The following SYT1 variants were observed in gnomAD, a reference collection of about 807,000 sequenced individuals.
The protein encoded by SYT1 is synaptotagmin-1.
SYT1 carries 8 observed loss-of-function variants against 44.8 expected under a neutral mutation model. The ratio of observed to expected loss-of-function variants is 0.18; its 90% CI spans 0.10 to 0.32. The LOEUF is 0.32. Among genes scored for constraint, SYT1 ranks in the 10% least tolerant of loss-of-function variants. The pLI, the probability that SYT1 is intolerant of heterozygous loss-of-function variation, is 1.00. For synonymous variants in SYT1, 154 were observed against 188.8 expected, an observed-to-expected ratio of 0.82 and a Z score of 1.51; for missense variants, 286 against 509.3, an observed-to-expected ratio of 0.56 and a Z score of 4.22.
At chr12:79,387,860 T>C (rs1241302268) in intron 9 of SYT1, among the ~76,000 whole-genome samples, 1 of 152,240 alleles carries the variant, frequency 6.6e-6, no homozygotes, top group Non-Finnish European at 1.5e-5. Flanking sequence ...TTTGAAAACT[T>C]CTATAATATC....
At chr12:78,929,025 A>T (rs2137192159) in intron 1 of SYT1, among the ~76,000 whole-genome samples, 1 of 151,942 alleles carries the variant, frequency 6.6e-6, no homozygotes, top group Admixed American at 6.6e-5. Flanking sequence ...ATTGTTAACT[A>T]AAAAAAAGAT....
chr12:79,265,768 C>T (rs1298695958), intron 4 of SYT1, among the ~76,000 whole-genome samples: 1 of 151,976 alleles, frequency 6.6e-6, no homozygotes, highest in Non-Finnish European at 1.5e-5. Context: ...GAAAGGGTCT[C>T]AGAAAGTGAA....
At chr12:78,925,604 C>G (rs1225265254) in intron 1 of SYT1, among the ~76,000 whole-genome samples, 2 of 151,836 alleles carry the variant, frequency 1.3e-5, no homozygotes, top group African/African-American at 4.8e-5. Context: ...AAATATTATA[C>G]TCAAGAAGGT....
intron 1 of SYT1, chr12:78,926,796 A>G (rs974065036): frequency 3.3e-5 from 5 of 152,114 alleles, no homozygotes; most frequent in Admixed American, 1.3e-4. Context: ...TTTATAGTAT[A>G]TAGAAACTTT....
At chr12:78,882,742 C>A (rs1194374397) in intron 1 of SYT1, among the ~76,000 whole-genome samples, 1 of 151,656 alleles carries the variant, frequency 6.6e-6, no homozygotes, top group Admixed American at 6.6e-5. Context: ...ACTGATGAGA[C>A]TAAATTTAGT....
chr12:78,960,810 A>G (rs1384922087), intron 1 of SYT1: 3 of 152,136 alleles, frequency 2.0e-5, no homozygotes, highest in Non-Finnish European at 4.4e-5. Flanking sequence ...TTTCCTGTAG[A>G]ACTAAAAATA....
intron 3 of SYT1, 91 bp from the exon 4 acceptor site, chr12:79,217,412 C>T: frequency 8.5e-7 from 1 of 1,172,274 alleles, no homozygotes; most frequent in Non-Finnish European, 1.1e-6. Context: ...CAGGTGCCAC[C>T]TCTGATGTTG....
intron 8 of SYT1, among the ~76,000 whole-genome samples, chr12:79,327,921 G>A (rs1215579923): frequency 6.6e-6 from 1 of 152,190 alleles, no homozygotes; most frequent in East Asian, 1.9e-4. Flanking sequence ...CTGTACATGT[G>A]AGAGGGGAAT....
chr12:79,084,267 C>T (rs529295380), intron 3 of SYT1, among the ~76,000 whole-genome samples: 2 of 152,174 alleles, frequency 1.3e-5, no homozygotes, highest in South Asian at 2.1e-4. Context: ...TTGATGGACA[C>T]ATAGTTTATT....
At chr12:79,421,325 T>A (rs1476520399) in intron 9 of SYT1, among the ~76,000 whole-genome samples, 2 of 152,168 alleles carry the variant, frequency 1.3e-5, no homozygotes, top group East Asian at 3.8e-4. Context: ...GCTTTTTCAT[T>A]ACTGTCTTGA....
chr12:78,945,868 C>A, intron 1 of SYT1, among the ~76,000 whole-genome samples: 1 of 152,254 alleles, frequency 6.6e-6, no homozygotes, highest in South Asian at 2.1e-4. Context: ...GGCAGCCCTT[C>A]TTGGTTTTAC....
intron 3 of SYT1, among the ~76,000 whole-genome samples, chr12:79,132,488 A>G (rs189693846): frequency 6.6e-6 from 1 of 152,010 alleles, no homozygotes; most frequent in East Asian, 1.9e-4. Flanking sequence ...ATATGAAAAA[A>G]TGCTAACCGT....
At chr12:79,391,832 G>T (rs965475743) in intron 9 of SYT1, among the ~76,000 whole-genome samples, 1 of 152,174 alleles carries the variant, frequency 6.6e-6, no homozygotes, top group African/African-American at 2.4e-5. Context: ...AAAATACTGA[G>T]TACAAACCTG....
chr12:78,927,177 C>G (rs765036068), intron 1 of SYT1, among the ~76,000 whole-genome samples: 1 of 152,090 alleles, frequency 6.6e-6, no homozygotes, highest in Non-Finnish European at 1.5e-5. Flanking sequence ...CTCATTTCCC[C>G]ACATCACCAC....
At chr12:79,275,128 G>T (rs11113410) in intron 4 of SYT1, among the ~76,000 whole-genome samples, 52,123 of 151,904 alleles carry the variant, frequency 0.34, 9,324 homozygotes, top group East Asian at 0.58. Flanking sequence ...GCACCCCACA[G>T]GACAAAAGAA....
chr12:79,274,079 T>C (rs1035483419), intron 4 of SYT1, among the ~76,000 whole-genome samples: 6 of 152,112 alleles, frequency 3.9e-5, no homozygotes, highest in African/African-American at 1.2e-4. Context: ...CAAGACTCCG[T>C]CTGAAAAAAT....
At chr12:79,050,534 G>T (rs934232764) in intron 3 of SYT1, among the ~76,000 whole-genome samples, 1 of 152,004 alleles carries the variant, frequency 6.6e-6, no homozygotes, top group Non-Finnish European at 1.5e-5. Flanking sequence ...TAAAGAGGGT[G>T]TGTTTAAAAA....
chr12:78,996,231 A>G (rs995975972), intron 2 of SYT1, among the ~76,000 whole-genome samples: 6 of 152,222 alleles, frequency 3.9e-5, no homozygotes, highest in African/African-American at 1.4e-4. Flanking sequence ...AGAGGTATTA[A>G]TAGTAATTTT....
intron 3 of SYT1, among the ~76,000 whole-genome samples, chr12:79,209,162 C>T (rs1874296777): frequency 6.6e-6 from 1 of 152,182 alleles, no homozygotes; most frequent in Non-Finnish European, 1.5e-5. Context: ...CCACTTACTT[C>T]CCTCAAGAGA....
Sources: gnomAD v4.1 joint callset for allele counts (sites outside exome capture counted in the v4.1 genomes callset) on GRCh38, gnomAD v4.1.1 for gene constraint, MANE v1.5 for transcripts, NCBI Gene and HGNC (gene_info 2026-07-23, HGNC 2026-07-21) for gene names.